AMD1: variants seen among roughly 807,000 people sequenced by gnomAD.
AMD1 encodes S-adenosylmethionine decarboxylase proenzyme.
Under a neutral mutation model 40.2 loss-of-function variants are expected in AMD1, and 11 were observed. That is an observed-to-expected ratio of 0.27 (90% confidence interval 0.17 to 0.45). The LOEUF (loss-of-function observed/expected upper bound fraction) is 0.45. Ranked by LOEUF, AMD1 falls within the 20% of genes least tolerant of loss-of-function variation. The pLI, the probability that AMD1 is intolerant of heterozygous loss-of-function variation, is 1.00. For missense variants in AMD1, 257 were observed against 410.2 expected, an observed-to-expected ratio of 0.63 and a Z score of 3.23; for synonymous variants, 121 against 130.8, an observed-to-expected ratio of 0.93 and a Z score of 0.51.
the AMD1 span, among the ~76,000 whole-genome samples, chr6:110,857,772 A>G: frequency 0.042 from 5,944 of 140,790 alleles, 407 homozygotes; most frequent in East Asian, 0.36. Context: ...GATGGTGTGT[A>G]TATATATATA....
chr6:110,888,092 T>A (rs902050108), intron 2 of AMD1, among the ~76,000 whole-genome samples: 8 of 152,118 alleles, frequency 5.3e-5, no homozygotes, highest in African/African-American at 1.9e-4. Flanking sequence ...GTTCAAGGTG[T>A]TTGCCGTCTT....
chr6:110,834,037 G>C, the AMD1 span, among the ~76,000 whole-genome samples: 8 of 151,982 alleles, frequency 5.3e-5, no homozygotes, highest in Non-Finnish European at 8.8e-5. Context: ...TGGACTTCCC[G>C]GGCTCAAGTA....
chr6:110,860,706 AGTAGAATCCCTTGAAC>A, the AMD1 span, among the ~76,000 whole-genome samples: 13 of 152,002 alleles, frequency 8.6e-5, no homozygotes, highest in African/African-American at 3.1e-4. Context: ...AGGCTGAGGT[AGTAGAATCCCTTGAAC>A]ACGGGAGGTG....
At chr6:110,819,464 A>C in the AMD1 span, among the ~76,000 whole-genome samples, 167 of 152,354 alleles carry the variant, frequency 1.1e-3, no homozygotes, top group Middle Eastern at 3.4e-3. Flanking sequence ...AACAAGACTT[A>C]GTAATTAATT....
intron 1 of AMD1, among the ~76,000 whole-genome samples, chr6:110,883,328 T>C (rs1050433805): frequency 2.6e-5 from 4 of 152,154 alleles, no homozygotes; most frequent in East Asian, 1.9e-4. Flanking sequence ...CTGTTTTTTT[T>C]CCCCTGTGGT....
chr6:110,893,139 A>G, intron 8 of AMD1, 74 bp downstream of exon 8: 3 of 1,336,132 alleles, frequency 2.2e-6, no homozygotes, highest in Non-Finnish European at 3.1e-6. Flanking sequence ...AGTGAGGCCT[A>G]AGATGTATTC....
At chr6:110,822,714 A>G in the AMD1 span, among the ~76,000 whole-genome samples, 1 of 152,224 alleles carries the variant, frequency 6.6e-6, no homozygotes, top group Non-Finnish European at 1.5e-5. Flanking sequence ...CTAATAGCAC[A>G]TCAAAAAGAT....
At chr6:110,860,872 G>C in the AMD1 span, among the ~76,000 whole-genome samples, 3,614 of 129,636 alleles carry the variant, frequency 0.028, 136 homozygotes, top group African/African-American at 0.1. Flanking sequence ...CACACACACA[G>C]AGAGAGAGAA....
At chr6:110,829,189 C>T in the AMD1 span, among the ~76,000 whole-genome samples, 1 of 151,454 alleles carries the variant, frequency 6.6e-6, no homozygotes, top group Non-Finnish European at 1.5e-5. Context: ...AACCCCTGTG[C>T]CGACCTCTTT....
the AMD1 span, among the ~76,000 whole-genome samples, chr6:110,826,944 G>A: frequency 2.0e-5 from 3 of 151,910 alleles, no homozygotes; most frequent in African/African-American, 4.8e-5. Flanking sequence ...CACCTGACTC[G>A]GCCTCCCAGA....
At chr6:110,888,631 G>T in intron 2 of AMD1, 2 of 299,342 alleles carry the variant, frequency 6.7e-6, no homozygotes, top group Non-Finnish European at 1.2e-5. Context: ...TTTAAACTAA[G>T]TTTATATTAT....
chr6:110,842,989 C>T, the AMD1 span, among the ~76,000 whole-genome samples: 15 of 151,986 alleles, frequency 9.9e-5, no homozygotes, highest in Non-Finnish European at 1.6e-4. Context: ...AAAAATTAGC[C>T]GGGCATGGTG....
At chr6:110,844,524 G>A in the AMD1 span, among the ~76,000 whole-genome samples, 2 of 152,004 alleles carry the variant, frequency 1.3e-5, no homozygotes, top group African/African-American at 4.8e-5. Context: ...GCTCACGCCT[G>A]TAATCCCAGC....
chr6:110,868,760 T>G, the AMD1 span, among the ~76,000 whole-genome samples: 1 of 152,084 alleles, frequency 6.6e-6, no homozygotes, highest in African/African-American at 2.4e-5. Context: ...TAAACTTAAA[T>G]TAATGTAATT....
intron 1 of AMD1, 57 bp downstream of exon 1, chr6:110,875,272 G>A: frequency 7.2e-7 from 1 of 1,385,300 alleles, no homozygotes; most frequent in Non-Finnish European, 1.0e-6. Context: ...CCGCCGCCGA[G>A]GCACCAGCCA....
At chr6:110,842,704 A>G in the AMD1 span, among the ~76,000 whole-genome samples, 31 of 152,258 alleles carry the variant, frequency 2.0e-4, no homozygotes, top group African/African-American at 7.2e-4. Flanking sequence ...ACACTTTATG[A>G]TGAAAATTAA....
chr6:110,883,767 T>A (rs181582994), intron 1 of AMD1, among the ~76,000 whole-genome samples: 5,526 of 152,138 alleles, frequency 0.036, 133 homozygotes, highest in Middle Eastern at 0.071. Flanking sequence ...AATTTTTTTT[T>A]TTTTTATTTT....
Position 110,893,604 on chromosome 6 carries a change from A to G in AMD1, c.993A>G (p.Gln331=). ...VFTSFAKKQQ[Q]QQS The stretch of plus-strand genomic sequence containing the variant: ...CCAGTTTTGCTAAGAAGCAGCAACA[A>G]CAGCAGAGTTGATTAAGAAAAATGA... The change falls in exon 9 of 9, where the codon CAA becomes CAG. Residue 331 remains glutamine, a synonymous_variant. Coordinates refer to ENST00000368885, the MANE Select transcript of AMD1 (RefSeq NM_001634.6). The G allele has an allele frequency of 6.2e-7, 1 of 1,613,510 alleles. No individual in the cohort carries two copies. Among genetic ancestry groups the G allele is most frequent in the Non-Finnish European group, 8.5e-7 (1 of 1,179,904 alleles).
the AMD1 span, among the ~76,000 whole-genome samples, chr6:110,868,000 ATT>A: frequency 6.6e-6 from 1 of 152,016 alleles, no homozygotes; most frequent in Non-Finnish European, 1.5e-5. Context: ...TTATTTATTT[ATT>A]GTTTGTAGAG....
Sources: gnomAD v4.1 joint callset for allele counts (sites outside exome capture counted in the v4.1 genomes callset) on GRCh38, gnomAD v4.1.1 for gene constraint, MANE v1.5 for transcripts, NCBI Gene and HGNC (gene_info 2026-07-23, HGNC 2026-07-21) for gene names.